KHDRBS2: variants seen among roughly 807,000 people sequenced by gnomAD.
KHDRBS2 encodes the protein KH RNA binding domain containing, signal transduction associated 2.
Under a neutral mutation model 44.3 loss-of-function variants are expected in KHDRBS2, and 26 were observed. That is an observed-to-expected ratio of 0.59 (90% CI 0.43 to 0.81). The LOEUF (loss-of-function observed/expected upper bound fraction) is 0.81. Among genes scored for constraint, KHDRBS2 ranks in the 40% least tolerant of loss-of-function variants. The pLI is 0.00. For missense variants in KHDRBS2, 476 were observed against 433.1 expected (o/e 1.10, Z -0.88); for synonymous variants, 194 against 151.1 (o/e 1.28, Z -2.08).
chr6:61,605,946 C>A, the KHDRBS2 span, among the ~76,000 whole-genome samples: 1 of 152,140 alleles, frequency 6.6e-6, no homozygotes, highest in Non-Finnish European at 1.5e-5. Flanking sequence ...CCTGCCTTAA[C>A]TGATGACATT....
chr6:61,566,999 A>G, the KHDRBS2 span, among the ~76,000 whole-genome samples: 1 of 152,336 alleles, frequency 6.6e-6, no homozygotes. Flanking sequence ...AAATGCTGGA[A>G]TGAGCTAATG....
intron 2 of KHDRBS2, among the ~76,000 whole-genome samples, chr6:62,125,160 C>T (rs1038371283): frequency 2.6e-5 from 4 of 152,178 alleles, no homozygotes; most frequent in African/African-American, 7.2e-5. Context: ...CCTCCCAAAA[C>T]CCTAGCAGCA....
intron 6 of KHDRBS2, among the ~76,000 whole-genome samples, chr6:61,821,214 G>A (rs1305008729): frequency 6.6e-6 from 1 of 151,988 alleles, no homozygotes; most frequent in Non-Finnish European, 1.5e-5. Flanking sequence ...AATGTAGCTT[G>A]TGGACCACCT....
chr6:62,264,050 T>A (rs1343456504), intron 1 of KHDRBS2, among the ~76,000 whole-genome samples: 1 of 151,756 alleles, frequency 6.6e-6, no homozygotes, highest in African/African-American at 2.4e-5. Context: ...CCAGATATTA[T>A]TTCTCATTTG....
At chr6:62,245,007 A>G (rs536152097) in intron 1 of KHDRBS2, among the ~76,000 whole-genome samples, 48 of 152,198 alleles carry the variant, frequency 3.2e-4, no homozygotes, top group African/African-American at 1.1e-3. Context: ...AGGAGAATAT[A>G]ATATTTTACA....
At chr6:61,966,659 T>C (rs929685897) in intron 4 of KHDRBS2, among the ~76,000 whole-genome samples, 2 of 152,056 alleles carry the variant, frequency 1.3e-5, no homozygotes, top group African/African-American at 2.4e-5. Context: ...ACTAGTCACA[T>C]GGCATTCCAC....
chr6:61,555,453 C>A, the KHDRBS2 span, among the ~76,000 whole-genome samples: 6,775 of 152,272 alleles, frequency 0.044, 153 homozygotes, highest in East Asian at 0.087. Context: ...TTTCAACTTT[C>A]TCTTAATTGT....
chr6:61,663,514 T>TATATATATATATATATATATATAA, the KHDRBS2 span, among the ~76,000 whole-genome samples: 3 of 99,932 alleles, frequency 3.0e-5, 1 homozygote, highest in South Asian at 8.4e-4. Flanking sequence ...TATATATATA[T>TATATATATATATATATATATATAA]ATATATATAT....
chr6:61,600,393 G>T, the KHDRBS2 span, among the ~76,000 whole-genome samples: 8 of 152,018 alleles, frequency 5.3e-5, no homozygotes, highest in Non-Finnish European at 1.2e-4. Flanking sequence ...CCTTCTCCTG[G>T]CTCATCCTGG....
At chr6:61,561,999 C>T in the KHDRBS2 span, among the ~76,000 whole-genome samples, 4 of 152,104 alleles carry the variant, frequency 2.6e-5, no homozygotes, top group East Asian at 5.8e-4. Context: ...GATAAAATCA[C>T]TATAAACCAA....
At chr6:62,222,173 C>T (rs1831007211) in intron 1 of KHDRBS2, among the ~76,000 whole-genome samples, 1 of 151,806 alleles carries the variant, frequency 6.6e-6, no homozygotes, top group African/African-American at 2.4e-5. Context: ...GCCTCTCACG[C>T]CTTAGTATTT....
intron 2 of KHDRBS2, among the ~76,000 whole-genome samples, chr6:62,160,397 T>C (rs547252400): frequency 3.3e-5 from 5 of 152,032 alleles, no homozygotes; most frequent in South Asian, 2.1e-4. Flanking sequence ...ATGAGGTAGG[T>C]CATTTTGTAA....
intron 3 of KHDRBS2, among the ~76,000 whole-genome samples, chr6:62,002,791 G>A (rs563490724): frequency 2.9e-4 from 44 of 151,166 alleles, no homozygotes; most frequent in African/African-American, 1.0e-3. Flanking sequence ...ATATAGTATA[G>A]GTTAAATTTC....
At chr6:61,941,507 C>A (rs1812122711) in intron 4 of KHDRBS2, among the ~76,000 whole-genome samples, 1 of 152,090 alleles carries the variant, frequency 6.6e-6, no homozygotes, top group Non-Finnish European at 1.5e-5. Flanking sequence ...ACCCTGCAGC[C>A]CAAAGACAGA....
At chr6:61,983,129 G>A (rs1035598402) in intron 3 of KHDRBS2, among the ~76,000 whole-genome samples, 4 of 151,358 alleles carry the variant, frequency 2.6e-5, no homozygotes, top group Non-Finnish European at 5.9e-5. Context: ...GGACTGGAAT[G>A]TCATATTTGA....
intron 6 of KHDRBS2, among the ~76,000 whole-genome samples, chr6:61,826,447 G>A (rs1352323104): frequency 1.3e-5 from 2 of 152,010 alleles, no homozygotes; most frequent in Non-Finnish European, 2.9e-5. Flanking sequence ...TCTCATGGTG[G>A]CTGCTTTTAC....
At chr6:62,170,789 C>G (rs1418775445) in intron 2 of KHDRBS2, among the ~76,000 whole-genome samples, 1 of 151,960 alleles carries the variant, frequency 6.6e-6, no homozygotes, top group Admixed American at 6.6e-5. Flanking sequence ...GGCCAGAGAA[C>G]AAAGATGGGG....
rs1487170413 is a variant in KHDRBS2, at chr6:62,161,578, G to C, written c.219+15607C>G. On this transcript the variant is annotated intron_variant, in intron 2 of 8. Coordinates refer to ENST00000281156, the MANE Select transcript of KHDRBS2 (RefSeq NM_152688.4). The stretch of plus-strand genomic sequence containing the variant: ...TCCGAGAATTTTGGTATTTGCGGGG[G>C]GGGGGGGGGTCCCAGAACAAATCCT... 1.5e-4 allele frequency among the ~76,000 whole-genome samples: 20 copies of C among 131,296 alleles called. 3 individuals are homozygous for C. The highest frequency in any genetic ancestry group is 2.3e-4 in the African/African-American group (8 of 34,496). The allele number at this position is 131,296 out of a possible 152,430, so 86.1% of individuals were successfully genotyped here.
At chr6:61,614,714 G>A in the KHDRBS2 span, among the ~76,000 whole-genome samples, 4 of 152,012 alleles carry the variant, frequency 2.6e-5, no homozygotes, top group African/African-American at 9.7e-5. Flanking sequence ...CAGAGTGTGG[G>A]GAAGTTTTTG....
Sources: gnomAD v4.1 joint callset for allele counts (sites outside exome capture counted in the v4.1 genomes callset) on GRCh38, gnomAD v4.1.1 for gene constraint, MANE v1.5 for transcripts, NCBI Gene and HGNC (gene_info 2026-07-23, HGNC 2026-07-21) for gene names.